The following KIF19 variants were observed in gnomAD, a reference collection of about 807,000 sequenced individuals.
KIF19 encodes kinesin-like protein KIF19.
Under a neutral mutation model 106.6 loss-of-function variants are expected in KIF19, and 98 were observed. That is an observed-to-expected ratio of 0.92 (90% CI 0.78 to 1.09). KIF19 has a LOEUF of 1.09. Ranked by LOEUF, KIF19 falls within the 50% of genes least tolerant of loss-of-function variation. The pLI is 0.00. For synonymous variants in KIF19, 516 were observed against 584.2 expected (o/e 0.88, Z 1.68); for missense variants, 1,373 against 1,414.3 (o/e 0.97, Z 0.47).
Position 74,347,854 on chromosome 17 carries a change from G to C in KIF19, c.1002G>C (p.Arg334=). 1 of 1,586,446 alleles carries C rather than the reference G, an allele frequency of 6.3e-7. No individual in the cohort carries two copies. The highest frequency in any genetic ancestry group is 8.6e-7 in the Non-Finnish European group (1 of 1,166,968). Residue 334 remains arginine, a synonymous_variant, in exon 9 of 20, where the codon CGG becomes CGC. Coordinates refer to ENST00000389916, the MANE Select transcript of KIF19 (RefSeq NM_153209.4). The stretch of plus-strand genomic sequence containing the variant: ...CGAGCAGTGCCTTCGAGGAGTCCCG[G>C]AACACCCTGACCTACGCCGGCCGGG... ...SPASSAFEES[R]NTLTYAGRAK...
At chr17:74,333,971 A>AT (rs2054160971) in intron 2 of KIF19, among the ~76,000 whole-genome samples, 1 of 150,952 alleles carries the variant, frequency 6.6e-6, no homozygotes, top group Admixed American at 6.6e-5. Flanking sequence ...CTATAGGCAC[A>AT]TGCCACAGTG....
In KIF19 at chr17:74,344,864, G is replaced by A. The variant is rs749026804; in HGVS notation, c.686G>A (p.Arg229His). 56 of 1,612,634 alleles carry A rather than the reference G, an allele frequency of 3.5e-5. No individual in the cohort carries two copies. Among genetic ancestry groups the A allele is most frequent in the South Asian group, 1.1e-4 (10 of 91,080 alleles). The stretch of plus-strand genomic sequence containing the variant: ...CACGCGGTACTGCAGGTGACCGTGC[G>A]CCAGCGCAGCCGGGTCAAGAACATC... ...RSHAVLQVTV[R>H]QRSRVKNILQ... The change falls in exon 7 of 20, where the codon CGC becomes CAC. Residue 229 changes from arginine to histidine, a missense_variant. Physicochemically the swap from Arg to His is conservative, Grantham distance 29. Around this residue, in one of 3 missense-constraint regions of KIF19, gnomAD observed 348 missense variants for 389.5 expected, o/e 0.89. Transcript: ENST00000389916.
At position 74,342,559 on chromosome 17, in the gene KIF19, G is replaced by C. The variant is rs1003766965; in HGVS notation, c.232-71G>C. 3.3e-6 allele frequency: 4 copies of C among 1,196,372 alleles called. No individual in the cohort carries two copies. The African/African-American group carries it at 4.5e-5, about 13-fold the overall frequency. 74.1% of individuals were successfully genotyped at this position (1,196,372 alleles called of 1,614,324 possible). The stretch of plus-strand genomic sequence containing the variant: ...CAGAAACCTCTCCTATCAGAGGTCA[G>C]GAAGAGCCAGTGGGTGCCTGTGCTG... On this transcript the variant is annotated intron_variant, in intron 3 of 19. Transcript: ENST00000389916.
intron 2 of KIF19, among the ~76,000 whole-genome samples, chr17:74,339,993 T>C (rs572690235): frequency 1.1e-4 from 16 of 152,290 alleles, no homozygotes; most frequent in Non-Finnish European, 2.2e-4. Context: ...CCTGCCCTCT[T>C]AACAGCCCGT....
chr17:74,344,196 C>T, intron 5 of KIF19, 27 bp from the exon 6 acceptor site: 1 of 1,595,026 alleles, frequency 6.3e-7, no homozygotes, highest in Non-Finnish European at 8.5e-7. Flanking sequence ...CTCCCTTCCC[C>T]CACCCCTCCC....
At chr17:74,347,096 T>C (rs1345544087) in intron 8 of KIF19, among the ~76,000 whole-genome samples, 3 of 152,216 alleles carry the variant, frequency 2.0e-5, no homozygotes, top group Non-Finnish European at 4.4e-5. Flanking sequence ...GGGCTCACAC[T>C]AGTAAGTGCT....
chr17:74,341,318 AAAAT>A (rs762092821), intron 2 of KIF19, among the ~76,000 whole-genome samples: 3 of 152,184 alleles, frequency 2.0e-5, no homozygotes, highest in East Asian at 1.9e-4. Context: ...CTCCGTCTCA[AAAAT>A]AAATAAATAA....
chr17:74,354,065 C>A, intron 17 of KIF19, 97 bp from the exon 18 acceptor site: 1 of 1,364,252 alleles, frequency 7.3e-7, no homozygotes, highest in Non-Finnish European at 9.9e-7. Flanking sequence ...GATTGAAACC[C>A]AGGAGGTCTG....
rs143033806 is a variant in KIF19 at position 74,328,394 on chromosome 17, C to G, written c.40-31C>G. On this transcript the variant is annotated intron_variant, in intron 1 of 19. Coordinates refer to ENST00000389916, the MANE Select transcript of KIF19 (RefSeq NM_153209.4). ...TGAGGCCCAGCATGGTCCTCTCCCT[C>G]TAATCCCAGGGGCTTGGTTTTCCCT... 23 of 1,584,238 alleles carry G rather than the reference C, an allele frequency of 1.5e-5. No homozygotes were observed. In the African/African-American group the frequency reaches 2.0e-4, roughly 14 times the overall value.
In KIF19 at chr17:74,326,365, G is replaced by A. The variant is rs1677777985; in HGVS notation, c.16G>A (p.Asp6Asn). Residue 6 changes from aspartate (D) to asparagine (N), a missense_variant, in exon 1 of 20, where the codon GAC (aspartate) becomes AAC (asparagine). By Grantham distance (23) the Asp-to-Asn change is conservative. Transcript: ENST00000389916. MKDSG[D>N]SKDQQLMVAL... Reference sequence around the variant, plus strand: ...TGCTGCAATCATGAAGGACAGCGGGGACTCCAAGGACCAGCAACTCATGGT... The same window carrying A: ...TGCTGCAATCATGAAGGACAGCGGGAACTCCAAGGACCAGCAACTCATGGT... 1.2e-6 allele frequency: 2 copies of A among 1,612,718 alleles called. No homozygotes were observed. Among genetic ancestry groups the A allele is most frequent in the African/African-American group, 2.7e-5 (2 of 74,792 alleles).
At chr17:74,332,918 C>T (rs1465031992) in intron 2 of KIF19, among the ~76,000 whole-genome samples, 1 of 152,202 alleles carries the variant, frequency 6.6e-6, no homozygotes. Context: ...CATCAGAAGA[C>T]AGGAGAACAG....
chr17:74,355,162 T>C lies in KIF19; in HGVS notation c.2867-20T>C. The C allele has an allele frequency of 1.3e-6, 2 of 1,578,570 alleles. No individual in the cohort carries two copies. Among genetic ancestry groups the C allele is most frequent in the Non-Finnish European group, 1.7e-6 (2 of 1,159,682 alleles). ...GGAGGCATTCCGAAACCACTGATCCTGCCCCTTTCCCTGTTGCAGGCCCGG... is the reference window on the plus strand; with the variant it reads ...GGAGGCATTCCGAAACCACTGATCCCGCCCCTTTCCCTGTTGCAGGCCCGG... On this transcript the variant is annotated intron_variant, in intron 19 of 19. Coordinates refer to ENST00000389916, the MANE Select transcript of KIF19 (RefSeq NM_153209.4).
At chr17:74,339,509 C>A (rs1177989121) in intron 2 of KIF19, among the ~76,000 whole-genome samples, 1 of 151,240 alleles carries the variant, frequency 6.6e-6, no homozygotes, top group Non-Finnish European at 1.5e-5. Context: ...ACCTCCCTCG[C>A]CCCCTTCCCT....
chr17:74,346,217 C>A lies in KIF19; in HGVS notation c.778-161C>A, dbSNP rs943329490. Among the ~76,000 whole-genome samples, 4 of 152,236 alleles carry A rather than the reference C, an allele frequency of 2.6e-5. No homozygotes were observed. The highest frequency in any genetic ancestry group is 9.6e-5 in the African/African-American group (4 of 41,466). On this transcript the variant is annotated intron_variant, in intron 7 of 19. Coordinates refer to ENST00000389916, the MANE Select transcript of KIF19 (RefSeq NM_153209.4). This position sits in a 1 kb window ranked among gnomAD's most constrained non-coding sequence, Gnocchi z 4.6. The stretch of plus-strand genomic sequence containing the variant: ...GTTCAGAGGCCTCTGGGTCTCTTAA[C>A]CTTCTCCAATGCCCTCAGTGGCCTT...
intron 2 of KIF19, among the ~76,000 whole-genome samples, chr17:74,336,621 C>G (rs2054225377): frequency 1.3e-5 from 2 of 152,194 alleles, no homozygotes; most frequent in South Asian, 2.1e-4. Flanking sequence ...CCACCTCTAA[C>G]AAGCGGGTAC....
intron 9 of KIF19, chr17:74,348,855 T>G (rs1598393591): frequency 3.6e-6 from 1 of 281,178 alleles, no homozygotes; most frequent in Non-Finnish European, 6.7e-6. Flanking sequence ...GCGTCTGTGG[T>G]GGGTATGGGG....
rs73995260 is a variant in KIF19, at chr17:74,350,779, C to A, written c.1461C>A (p.Asp487Glu). 3.1e-6 allele frequency: 5 copies of A among 1,613,834 alleles called. No homozygotes were observed. In the African/African-American group the frequency reaches 5.3e-5, roughly 17 times the overall value. ...EEQRKECYAK[D>E]DSEKDSDTGD... Reference sequence around the variant, plus strand: ...AGCGAAAGGAGTGCTACGCTAAGGACGACAGCGAGAAGGACTCAGACACAG... The same window carrying A: ...AGCGAAAGGAGTGCTACGCTAAGGAAGACAGCGAGAAGGACTCAGACACAG... Residue 487 changes from aspartate (D) to glutamate (E), a missense_variant, in exon 12 of 20, where the codon GAC (aspartate) becomes GAA (glutamate). Physicochemically the swap from Asp to Glu is conservative, Grantham distance 45 (BLOSUM62 2). Coordinates refer to ENST00000389916, the MANE Select transcript of KIF19 (RefSeq NM_153209.4).
Position 74,351,936 on chromosome 17 carries a change from C to T in KIF19, c.1657C>T (p.Arg553Cys), listed in dbSNP as rs764792910. 18 of 1,456,626 alleles carry T rather than the reference C, an allele frequency of 1.2e-5. No homozygotes were observed. The South Asian group carries it at 1.7e-4, about 14-fold the overall frequency. The allele number at this position is 1,456,626 out of a possible 1,614,324, so 90.2% of individuals were successfully genotyped here. ...GCGCCTGGAGGAGACGCTGCCGCGG[C>T]GCATCGGCTCCGAGGAGCAGCGCGA... The part of the protein sequence containing the change: ...GRRLEETLPR[R>C]IGSEEQREVL... The change falls in exon 13 of 20, where the codon CGC (arginine) becomes TGC (cysteine). Residue 553 changes from arginine (R) to cysteine (C), a missense_variant. Transcript: ENST00000389916.
chr17:74,351,070 C>A, intron 12 of KIF19, 165 bp downstream of exon 12: 1 of 667,596 alleles, frequency 1.5e-6, no homozygotes, highest in Non-Finnish European at 2.7e-6. Flanking sequence ...CTATGCGTCA[C>A]ATTCCCCACC....
Sources: gnomAD v4.1 joint callset for allele counts (sites outside exome capture counted in the v4.1 genomes callset) on GRCh38, gnomAD v4.1.1 for gene constraint, gnomAD v4.1.1 regional missense constraint, Gnocchi (gnomAD v3.1) non-coding constraint, MANE v1.5 for transcripts, NCBI Gene and HGNC (gene_info 2026-07-23, HGNC 2026-07-21) for gene names.